The following FAT2 variants were observed in gnomAD, a reference collection of about 807,000 sequenced individuals.
FAT2 encodes protocadherin Fat 2.
In FAT2, 150 loss-of-function variants were observed where a neutral mutation model predicts 295.3. The ratio of observed to expected loss-of-function variants is 0.51; its 90% CI spans 0.44 to 0.58. FAT2 has a LOEUF of 0.58. Ranked by LOEUF, FAT2 falls within the 20% of genes least tolerant of loss-of-function variation. The probability of loss-of-function intolerance (pLI) is 0.00; values close to 1 mark genes in which losing one functional copy is unlikely to be tolerated. For missense variants in FAT2, 4,868 were observed against 5,442.7 expected (o/e 0.89, Z 3.32); for synonymous variants, 2,026 against 2,150.3 (o/e 0.94, Z 1.60).
intron 14 of FAT2, among the ~76,000 whole-genome samples, chr5:151,529,693 A>T (rs1360836653): frequency 1.3e-5 from 2 of 152,132 alleles, no homozygotes; most frequent in African/African-American, 4.8e-5. Flanking sequence ...ATCTATAAAA[A>T]CCCTGTGGAG....
rs760245755 is a variant in FAT2 at position 151,591,307 on chromosome 5, C to T, written c.-163G>A. ...GCGCAGCCCGCAGCCGGAGAGGCTG[C>T]TGAGAAAGTTGGAGTAGGTGTGTCC... On this transcript the variant is annotated 5_prime_UTR_variant, in exon 1 of 24. Coordinates refer to ENST00000261800, the MANE Select transcript of FAT2 (RefSeq NM_001447.3). Among the ~76,000 whole-genome samples, 38 of 152,166 alleles carry T rather than the reference C, an allele frequency of 2.5e-4. No homozygotes were observed. Among genetic ancestry groups the T allele is most frequent in the Non-Finnish European group, 4.6e-4 (31 of 68,032 alleles).
Position 151,528,077 on chromosome 5 carries a change from T to G in FAT2, c.10083A>C (p.Ile3361=). Residue 3361 remains isoleucine, a synonymous_variant, in exon 16 of 24, where the codon ATA becomes ATC. Transcript: ENST00000261800. ...TGAAGTGCCCAAGCTGGTTCCCTCC[T>G]ATGAGGCTATAGGTAATGTCACTAT... The part of the protein sequence containing the change: ...PLNSDITYSL[I]GGNQLGHFTI... 3.7e-6 allele frequency: 6 copies of G among 1,614,238 alleles called. No homozygotes were observed. The highest frequency in any genetic ancestry group is 5.1e-6 in the Non-Finnish European group (6 of 1,180,042).
upstream of FAT2, among the ~76,000 whole-genome samples, chr5:151,592,913 G>A (rs1290950021): frequency 6.6e-6 from 1 of 152,214 alleles, no homozygotes; most frequent in Non-Finnish European, 1.5e-5. Flanking sequence ...TCAGTGAGAT[G>A]TTTATGCAGC....
At chr5:151,572,792 C>T (rs958623044) in intron 1 of FAT2, among the ~76,000 whole-genome samples, 1 of 152,210 alleles carries the variant, frequency 6.6e-6, no homozygotes, top group South Asian at 2.1e-4. Context: ...GGAGAAGGTC[C>T]AGCCTGTGCC....
Position 151,505,626 on chromosome 5 carries a change from T to A in FAT2, c.12989A>T (p.Asn4330Ile). 1.2e-6 allele frequency: 2 copies of A among 1,614,144 alleles called. No individual in the cohort carries two copies. The highest frequency in any genetic ancestry group is 2.2e-5 in the South Asian group (2 of 91,086). Residue 4330 changes from asparagine to isoleucine, a missense_variant, in exon 24 of 24, where the codon AAC (asparagine) becomes ATC (isoleucine). Around this residue, in one of 5 missense-constraint regions of FAT2, gnomAD observed 492 missense variants for 482.6 expected, o/e 1.02. Transcript: ENST00000261800. ...CTCCACCATGTCAGAGCCCTCATAG[T>A]TGGGGGGCACCCGGGGCTGGCCCTG... ...AGQGQPRVPP[N>I]YEGSDMVESD...
At chr5:151,581,513 C>T (rs529003541) in intron 1 of FAT2, among the ~76,000 whole-genome samples, 4 of 152,176 alleles carry the variant, frequency 2.6e-5, no homozygotes, top group African/African-American at 4.8e-5. Context: ...TTTGGAACTA[C>T]GGAGTGCTTG....
upstream of FAT2, among the ~76,000 whole-genome samples, chr5:151,592,837 A>G (rs1375601466): frequency 6.6e-6 from 1 of 152,170 alleles, no homozygotes; most frequent in Non-Finnish European, 1.5e-5. Flanking sequence ...GAATTAGTGA[A>G]ACCATGAAGG....
chr5:151,524,043 A>G (rs1196342849), intron 18 of FAT2, among the ~76,000 whole-genome samples: 3 of 151,280 alleles, frequency 2.0e-5, no homozygotes, highest in African/African-American at 7.3e-5. Context: ...CTTCTCCATC[A>G]CTCCGTGGTC....
At chr5:151,552,950 G>A (rs1026476876) in intron 6 of FAT2, among the ~76,000 whole-genome samples, 1 of 152,220 alleles carries the variant, frequency 6.6e-6, no homozygotes, top group Non-Finnish European at 1.5e-5. Context: ...CTCTGGCTGG[G>A]GTTAGAGATC....
rs142928047 is a variant in FAT2 at position 151,543,387 on chromosome 5, G to A, written c.7740C>T (p.Asp2580=). 1.2e-5 allele frequency: 19 copies of A among 1,614,162 alleles called. No individual in the cohort carries two copies. The Admixed American group carries it at 3.2e-4, about 27-fold the overall frequency. The change falls in exon 10 of 24, where the codon GAC becomes GAT. Residue 2580 remains aspartate, a synonymous_variant. Transcript: ENST00000261800. ...TVKIILTDEN[D]NPPQFKASEY... is the part of the protein sequence containing the mutation. ...CAGATGCTTTGAACTGTGGGGGGTT[G>A]TCATTTTCATCTGTGAGGATGATCT...
chr5:151,559,653 G>A (rs1036182408), intron 3 of FAT2, among the ~76,000 whole-genome samples: 4 of 151,672 alleles, frequency 2.6e-5, no homozygotes, highest in African/African-American at 4.9e-5. Flanking sequence ...CTCTCTGTGT[G>A]TGTGTGTCTG....
chr5:151,564,502 A>T (rs1352406055), intron 2 of FAT2, among the ~76,000 whole-genome samples: 1 of 152,220 alleles, frequency 6.6e-6, no homozygotes, highest in African/African-American at 2.4e-5. Flanking sequence ...CAACATTGAG[A>T]ACAAGTTATT....
In FAT2 at chr5:151,554,458, G is replaced by C. The variant is rs749073196; in HGVS notation, c.3849C>G (p.Ile1283Met). ...EGLNGRVTYS[I>M]EDSDEEAFSI... ...TGAAGGCCTCCTCATCGCTGTCCTC[G>C]ATACTGTAGGTGACTCTGCCATTAA... is the stretch of plus-strand genomic sequence containing the variant. Residue 1283 changes from isoleucine (I) to methionine (M), a missense_variant, in exon 5 of 24, where the codon ATC (isoleucine) becomes ATG (methionine). Around this residue, in one of 5 missense-constraint regions of FAT2, gnomAD observed 3,297 missense variants for 3,669.4 expected, o/e 0.90. Coordinates refer to ENST00000261800, the MANE Select transcript of FAT2 (RefSeq NM_001447.3). 1.9e-6 allele frequency: 3 copies of C among 1,614,054 alleles called. No individual in the cohort carries two copies. The highest frequency in any genetic ancestry group is 1.7e-6 in the Non-Finnish European group (2 of 1,180,040).
At position 151,528,235 on chromosome 5, in the gene FAT2, G is replaced by T. The variant is rs576839660; in HGVS notation, c.10027-102C>A. On this transcript the variant is annotated intron_variant, in intron 15 of 23. Transcript: ENST00000261800. Reference sequence around the variant, plus strand: ...TCCCTGCCCCAGTGACTGCCTTTGGGCTAGCAGTGCCTGGATCACAGTTGT... The same window carrying T: ...TCCCTGCCCCAGTGACTGCCTTTGGTCTAGCAGTGCCTGGATCACAGTTGT... 2,671 of 1,408,764 alleles carry T rather than the reference G, an allele frequency of 1.9e-3. 10 individuals carry two copies. The highest frequency in any genetic ancestry group is 6.1e-3 in the South Asian group (446 of 73,336). 87.3% of individuals were successfully genotyped at this position (1,408,764 alleles called of 1,614,324 possible).
intron 18 of FAT2, among the ~76,000 whole-genome samples, chr5:151,524,225 A>G (rs963584141): frequency 6.6e-6 from 1 of 152,208 alleles, no homozygotes; most frequent in Non-Finnish European, 1.5e-5. Flanking sequence ...ACCAAGGCTT[A>G]TACTTAGAAG....
rs768689245 is a variant in FAT2 at position 151,529,348 on chromosome 5, T to C, written c.9856A>G (p.Lys3286Glu). 41 of 1,613,926 alleles carry C rather than the reference T, an allele frequency of 2.5e-5. No homozygotes were observed. Among genetic ancestry groups the C allele is most frequent in the African/African-American group, 4.0e-5 (3 of 74,912 alleles). Reference protein sequence around the residue: ...NASLDFETSPKYFLSIECSRK... With the variant: ...NASLDFETSPEYFLSIECSRK... ...CTGCACTCAATGGACAGGAAGTACT[T>C]GGGGCTTGTCTCAAAGTCCAGGCTT... The change falls in exon 15 of 24, where the codon AAG (lysine) becomes GAG (glutamate). Residue 3286 changes from lysine to glutamate, a missense_variant. This residue lies in a region of FAT2 where 1,046 missense variants were observed against 1,210.1 expected (regional missense o/e 0.86). Transcript: ENST00000261800.
At chr5:151,529,146 G>T (rs527311207) in intron 15 of FAT2, 32 bp downstream of exon 15, 5 of 1,592,390 alleles carry the variant, frequency 3.1e-6, no homozygotes, top group Admixed American at 3.3e-5. Context: ...CAGAGTTCTT[G>T]TCCCACAAAG....
intron 17 of FAT2, 110 bp downstream of exon 17, chr5:151,527,124 G>C: frequency 1.7e-6 from 2 of 1,154,992 alleles, no homozygotes; most frequent in Non-Finnish European, 2.5e-6. Flanking sequence ...GACATCAGTG[G>C]CAAAGTCACA....
chr5:151,513,051 G>A (rs1405736451), intron 20 of FAT2, among the ~76,000 whole-genome samples: 1 of 152,190 alleles, frequency 6.6e-6, no homozygotes, highest in East Asian at 1.9e-4. Flanking sequence ...GAAGCCACAA[G>A]GGCAAAGTAT....
Sources: gnomAD v4.1 joint callset for allele counts (sites outside exome capture counted in the v4.1 genomes callset) on GRCh38, gnomAD v4.1.1 for gene constraint, gnomAD v4.1.1 regional missense constraint, MANE v1.5 for transcripts, NCBI Gene and HGNC (gene_info 2026-07-23, HGNC 2026-07-21) for gene names.